Variants in LRRC7 observed in about 807,000 individuals in gnomAD.
LRRC7 encodes the protein leucine-rich repeat-containing protein 7.
Under a neutral mutation model 175.7 loss-of-function variants are expected in LRRC7, and 23 were observed. That is an observed-to-expected ratio of 0.13 (90% CI 0.09 to 0.19). LRRC7 has a LOEUF of 0.19. LRRC7 is among the 10% of genes least tolerant of loss of function. The pLI is 1.00. For missense variants in LRRC7, 1,354 were observed against 1,904.7 expected, an observed-to-expected ratio of 0.71 and a Z score of 5.38; for synonymous variants, 685 against 680.9, an observed-to-expected ratio of 1.01 and a Z score of -0.09.
Position 70,120,924 on chromosome 1 carries a change from C to A in LRRC7, c.4621-856C>A, listed in dbSNP as rs190959322. On this transcript the variant is annotated intron_variant, in intron 26 of 26. Transcript: ENST00000651989. ...GAAGGCTTATGGGATACACTTCTTT[C>A]TGTATTAATAATAAAAATCATTCCA... Among the ~76,000 whole-genome samples the A allele has an allele frequency of 3.8e-3, 579 of 152,100 alleles. 2 individuals carry two copies. The highest frequency in any genetic ancestry group is 0.013 in the African/African-American group (558 of 41,544).
At chr1:69,751,808 T>A (rs1424542510) in intron 2 of LRRC7, among the ~76,000 whole-genome samples, 1 of 152,142 alleles carries the variant, frequency 6.6e-6, no homozygotes, top group African/African-American at 2.4e-5. Context: ...TTGCCGTAAG[T>A]AGAACTTAAA....
chr1:69,996,796 C>T (rs957796446), intron 11 of LRRC7, among the ~76,000 whole-genome samples: 33 of 151,664 alleles, frequency 2.2e-4, no homozygotes, highest in Non-Finnish European at 2.7e-4. Flanking sequence ...GTTTTGGTTA[C>T]TGTAGCCTTG....
chr1:69,599,893 G>A (rs1557461587), intron 1 of LRRC7, among the ~76,000 whole-genome samples: 2 of 152,024 alleles, frequency 1.3e-5, no homozygotes, highest in African/African-American at 4.8e-5. Flanking sequence ...TTGAAAGGAG[G>A]TCTGCAAAAA....
At chr1:69,917,488 A>G (rs1646756138) in intron 7 of LRRC7, among the ~76,000 whole-genome samples, 1 of 152,190 alleles carries the variant, frequency 6.6e-6, no homozygotes, top group Admixed American at 6.5e-5. Flanking sequence ...TAAGGAGGTA[A>G]CAAATGGAGG....
At chr1:69,696,530 C>T (rs189293948) in intron 2 of LRRC7, among the ~76,000 whole-genome samples, 16 of 152,126 alleles carry the variant, frequency 1.1e-4, no homozygotes, top group African/African-American at 3.9e-4. Context: ...TTGTATTTTG[C>T]AATGTGAGAA....
chr1:70,115,013 G>A (rs1446683283), intron 26 of LRRC7, among the ~76,000 whole-genome samples: 2 of 152,064 alleles, frequency 1.3e-5, no homozygotes, highest in Non-Finnish European at 2.9e-5. Flanking sequence ...ACTTATTTGA[G>A]TTCTTCCATT....
In LRRC7 at chr1:69,718,013, CAG is replaced by C. The variant is rs1229452056; in HGVS notation, c.100+39539_100+39540del. ...GGGAGAGAAAGAAAGAAAAGAGAAG[CAG>C]AGACTAGAAAGAAAAAGAAGAAAGG... is the stretch of plus-strand genomic sequence containing the variant. On this transcript the variant is annotated intron_variant, in intron 2 of 26. Coordinates refer to ENST00000651989, the MANE Select transcript of LRRC7 (RefSeq NM_001370785.2). Among the ~76,000 whole-genome samples, 21 of 119,466 alleles carry C rather than the reference CAG, an allele frequency of 1.8e-4. 1 individual carries two copies. The highest frequency in any genetic ancestry group is 6.7e-4 in the African/African-American group (21 of 31,246). 78.4% of individuals were successfully genotyped at this position (119,466 alleles called of 152,430 possible).
chr1:69,654,155 C>T (rs1235775943), intron 1 of LRRC7, among the ~76,000 whole-genome samples: 1 of 149,816 alleles, frequency 6.7e-6, no homozygotes, highest in East Asian at 2.0e-4. Context: ...CACTATAGGA[C>T]TAGAATAGGC....
At chr1:69,980,022 C>G (rs1284683243) in intron 8 of LRRC7, among the ~76,000 whole-genome samples, 8 of 152,000 alleles carry the variant, frequency 5.3e-5, no homozygotes, top group Admixed American at 5.2e-4. Context: ...GATTACAAAA[C>G]AAACATTCCC....
chr1:69,771,389 A>G (rs1672223962), intron 3 of LRRC7, among the ~76,000 whole-genome samples: 1 of 152,172 alleles, frequency 6.6e-6, no homozygotes, highest in African/African-American at 2.4e-5. Context: ...GCAACTCTTA[A>G]TTATGTGAGT....
intron 1 of LRRC7, among the ~76,000 whole-genome samples, chr1:69,616,580 AT>A: frequency 6.6e-6 from 1 of 152,188 alleles, no homozygotes; most frequent in African/African-American, 2.4e-5. Context: ...TGATGACTTG[AT>A]ACATTTATGG....
At chr1:69,726,440 A>T (rs1429595577) in intron 2 of LRRC7, among the ~76,000 whole-genome samples, 1 of 152,238 alleles carries the variant, frequency 6.6e-6, no homozygotes, top group Non-Finnish European at 1.5e-5. Flanking sequence ...TATTGATGTC[A>T]TTAAATATGG....
rs11411760 is a variant in LRRC7, at chr1:69,949,982, A to ATT, written c.711+18419_711+18420dup. Among the ~76,000 whole-genome samples the ATT allele has an allele frequency of 5.1e-3, 771 of 151,100 alleles. 12 individuals carry two copies. The highest frequency in any genetic ancestry group is 0.017 in the African/African-American group (710 of 41,106). On this transcript the variant is annotated intron_variant, in intron 8 of 26. Transcript: ENST00000651989. ...AATTCTATGCATTTATGGCCTCTTT[A>ATT]TTTTTTTTCCTTTTCTGTCCACTAG...
intron 8 of LRRC7, among the ~76,000 whole-genome samples, chr1:69,932,453 A>T (rs1647483219): frequency 1.3e-5 from 2 of 152,136 alleles, no homozygotes; most frequent in Non-Finnish European, 2.9e-5. Flanking sequence ...GAGATAATGT[A>T]TGTACAGGAC....
intron 26 of LRRC7, among the ~76,000 whole-genome samples, chr1:70,119,852 C>T (rs1457226398): frequency 6.6e-6 from 1 of 152,042 alleles, no homozygotes; most frequent in African/African-American, 2.4e-5. Flanking sequence ...AATCTGAGCA[C>T]TCACAAAGTC....
chr1:69,839,565 A>G (rs946240551), intron 7 of LRRC7, among the ~76,000 whole-genome samples: 13 of 148,256 alleles, frequency 8.8e-5, no homozygotes, highest in African/African-American at 3.2e-4. Context: ...CACTGAGTCC[A>G]TCCCTGATGC....
At chr1:69,654,687 A>C (rs1172895736) in intron 1 of LRRC7, among the ~76,000 whole-genome samples, 1 of 152,066 alleles carries the variant, frequency 6.6e-6, no homozygotes, top group Non-Finnish European at 1.5e-5. Flanking sequence ...CTATAAGTTC[A>C]TTTTTACAAA....
chr1:69,887,304 G>A (rs1434146088), intron 7 of LRRC7, among the ~76,000 whole-genome samples: 2 of 127,070 alleles, frequency 1.6e-5, no homozygotes, highest in African/African-American at 6.5e-5. Flanking sequence ...TTTCTTGGAG[G>A]CTTTGCTCAT....
intron 1 of LRRC7, among the ~76,000 whole-genome samples, chr1:69,605,151 G>A (rs189177818): frequency 1.1e-4 from 16 of 152,202 alleles, no homozygotes; most frequent in Admixed American, 3.9e-4. Context: ...TCATGGGGGC[G>A]GGTCTTTGCC....
Sources: gnomAD v4.1 joint callset for allele counts (sites outside exome capture counted in the v4.1 genomes callset) on GRCh38, gnomAD v4.1.1 for gene constraint, MANE v1.5 for transcripts, NCBI Gene and HGNC (gene_info 2026-07-23, HGNC 2026-07-21) for gene names.